KCNN2: variants seen among roughly 807,000 people sequenced by gnomAD.
KCNN2 encodes the protein small conductance calcium-activated potassium channel protein 2.
Under a neutral mutation model 55.5 loss-of-function variants are expected in KCNN2, and 24 were observed. The observed-to-expected ratio is 0.43, with a 90% confidence interval of 0.31 to 0.61. The LOEUF is 0.61. KCNN2 is among the 20% of genes least tolerant of loss of function. The pLI is 0.08. For missense variants in KCNN2, 754 were observed against 853.6 expected, an observed-to-expected ratio of 0.88 and a Z score of 1.45; for synonymous variants, 431 against 336.1, an observed-to-expected ratio of 1.28 and a Z score of -3.09.
At chr5:114,242,585 G>GTTC (rs1208849579) in intron 2 of KCNN2, among the ~76,000 whole-genome samples, 1 of 152,114 alleles carries the variant, frequency 6.6e-6, no homozygotes, top group Non-Finnish European at 1.5e-5. Context: ...GAAGACCAGT[G>GTTC]TTCTATGTAT....
chr5:114,183,647 C>T (rs995887032), intron 1 of KCNN2, among the ~76,000 whole-genome samples: 1 of 150,898 alleles, frequency 6.6e-6, no homozygotes, highest in Non-Finnish European at 1.5e-5. Flanking sequence ...ATAATATACT[C>T]TTATTATCTA....
chr5:114,187,343 C>T (rs1351472531), intron 1 of KCNN2, among the ~76,000 whole-genome samples: 1 of 151,954 alleles, frequency 6.6e-6, no homozygotes, highest in East Asian at 1.9e-4. Context: ...AGATGTTCTC[C>T]TTTTATTGGT....
chr5:114,138,877 C>T (rs548397174), intron 1 of KCNN2, among the ~76,000 whole-genome samples: 1 of 152,044 alleles, frequency 6.6e-6, no homozygotes, highest in Non-Finnish European at 1.5e-5. Flanking sequence ...TTAAGATTTT[C>T]TTTATGAACT....
chr5:114,217,349 T>G (rs1754027459), intron 1 of KCNN2, among the ~76,000 whole-genome samples: 1 of 152,064 alleles, frequency 6.6e-6, no homozygotes. Context: ...ACTTCAAGAC[T>G]TTAAATCTAC....
At chr5:114,296,010 G>A (rs920818799) in intron 2 of KCNN2, among the ~76,000 whole-genome samples, 1 of 152,108 alleles carries the variant, frequency 6.6e-6, no homozygotes, top group Non-Finnish European at 1.5e-5. Context: ...TAATACTACT[G>A]TGGTATTATT....
intron 1 of KCNN2, among the ~76,000 whole-genome samples, chr5:114,087,525 G>A (rs1325069967): frequency 1.3e-5 from 2 of 152,070 alleles, no homozygotes; most frequent in Admixed American, 1.3e-4. Flanking sequence ...ACCATTTATT[G>A]AATTAGGTAG....
At chr5:114,366,672 T>A (rs375850907) in intron 2 of KCNN2, among the ~76,000 whole-genome samples, 2 of 152,080 alleles carry the variant, frequency 1.3e-5, no homozygotes, top group South Asian at 4.1e-4. Flanking sequence ...CTCAGGCTTA[T>A]GTATATGCAT....
intron 2 of KCNN2, among the ~76,000 whole-genome samples, chr5:114,231,225 G>C (rs1376439575): frequency 3.5e-5 from 2 of 57,918 alleles, no homozygotes; most frequent in African/African-American, 1.5e-4. Context: ...TTTCTCCCAT[G>C]TTGTAGGTTG....
chr5:114,483,963 G>GA (rs1762342426), intron 5 of KCNN2, among the ~76,000 whole-genome samples: 1 of 152,066 alleles, frequency 6.6e-6, no homozygotes, highest in South Asian at 2.1e-4. Context: ...TTTGTAAGTG[G>GA]AAATGCATTG....
chr5:114,493,056 T>G (rs1462991219), intron 6 of KCNN2, among the ~76,000 whole-genome samples: 2 of 152,130 alleles, frequency 1.3e-5, no homozygotes, highest in Non-Finnish European at 2.9e-5. Flanking sequence ...GCTTTGCATA[T>G]TTCTTCCTAT....
At chr5:114,089,244 A>G (rs1428595750) in intron 1 of KCNN2, among the ~76,000 whole-genome samples, 1 of 152,192 alleles carries the variant, frequency 6.6e-6, no homozygotes, top group African/African-American at 2.4e-5. Flanking sequence ...CTGCTCATGA[A>G]TGAGCTTGAT....
intron 1 of KCNN2, among the ~76,000 whole-genome samples, chr5:114,148,412 A>G (rs1418727784): frequency 6.6e-6 from 1 of 152,172 alleles, no homozygotes; most frequent in African/African-American, 2.4e-5. Context: ...GTAGTAAATC[A>G]TTAACAATTT....
chr5:114,472,706 C>G (rs1307422704), intron 4 of KCNN2, among the ~76,000 whole-genome samples: 1 of 152,144 alleles, frequency 6.6e-6, no homozygotes, highest in Non-Finnish European at 1.5e-5. Context: ...TGCTAATCTA[C>G]TCATTTGTTA....
chr5:114,173,872 T>A (rs990881549), intron 1 of KCNN2, among the ~76,000 whole-genome samples: 4 of 152,002 alleles, frequency 2.6e-5, no homozygotes, highest in Non-Finnish European at 4.4e-5. Flanking sequence ...AGCACTGAGA[T>A]GGCAGATTCA....
chr5:114,175,544 T>A (rs1298831327), intron 1 of KCNN2, among the ~76,000 whole-genome samples: 1 of 152,184 alleles, frequency 6.6e-6, no homozygotes, highest in African/African-American at 2.4e-5. Context: ...CCTGATAGTA[T>A]TATTTTTATG....
chr5:114,356,258 A>G (rs951011926), intron 2 of KCNN2, among the ~76,000 whole-genome samples: 5 of 152,102 alleles, frequency 3.3e-5, no homozygotes, highest in Non-Finnish European at 5.9e-5. Flanking sequence ...TGATGATAAA[A>G]CCTTTTCCTG....
chr5:114,137,607 G>A (rs980262901), intron 1 of KCNN2, among the ~76,000 whole-genome samples: 3 of 152,244 alleles, frequency 2.0e-5, no homozygotes, highest in African/African-American at 4.8e-5. Flanking sequence ...GAAATGGCAT[G>A]GCTTAGAGTG....
chr5:114,384,189 T>C (rs1319181910), intron 2 of KCNN2, among the ~76,000 whole-genome samples: 1 of 152,166 alleles, frequency 6.6e-6, no homozygotes, highest in African/African-American at 2.4e-5. Context: ...AATAAATACC[T>C]CTTAAAAACT....
chr5:114,397,240 A>G (rs904919750), intron 2 of KCNN2, among the ~76,000 whole-genome samples: 11 of 152,196 alleles, frequency 7.2e-5, no homozygotes, highest in East Asian at 3.9e-4. Flanking sequence ...TATGTACTCA[A>G]TAATGGGATT....
Sources: gnomAD v4.1 joint callset for allele counts (sites outside exome capture counted in the v4.1 genomes callset) on GRCh38, gnomAD v4.1.1 for gene constraint, MANE v1.5 for transcripts, NCBI Gene and HGNC (gene_info 2026-07-23, HGNC 2026-07-21) for gene names.